The following ELAC2 variants were observed in gnomAD, a reference collection of about 807,000 sequenced individuals.
The protein encoded by ELAC2 is zinc phosphodiesterase ELAC protein 2.
ELAC2 carries 92 observed loss-of-function variants against 105.2 expected under a neutral mutation model. The observed-to-expected ratio is 0.87, with a 90% CI of 0.74 to 1.04. ELAC2 has a LOEUF of 1.04. ELAC2 is among the 50% of genes least tolerant of loss of function. The pLI is 0.00. For synonymous variants in ELAC2, 468 were observed against 409.1 expected (o/e 1.14, Z -1.74); for missense variants, 1,099 against 1,071.7 (o/e 1.03, Z -0.36).
At chr17:12,996,928 C>T (rs1048944729) in intron 16 of ELAC2, among the ~76,000 whole-genome samples, 7 of 144,244 alleles carry the variant, frequency 4.9e-5, no homozygotes, top group Non-Finnish European at 1.1e-4. Context: ...TAGACTTACA[C>T]AAAGGCTGGG....
At position 13,017,055 on chromosome 17, in the gene ELAC2, C is replaced by A; in HGVS notation, c.296+16G>T. ...CCGTAATCAACTCCCCCTCCGAAAGCAAGAGACTGACTCACTTGTGCTCCT... is the reference window on the plus strand; with the variant it reads ...CCGTAATCAACTCCCCCTCCGAAAGAAAGAGACTGACTCACTTGTGCTCCT... On this transcript the variant is annotated intron_variant, in intron 2 of 23. Coordinates refer to ENST00000338034, the MANE Select transcript of ELAC2 (RefSeq NM_018127.7). The A allele has an allele frequency of 1.2e-6, 2 of 1,614,084 alleles. No individual in the cohort carries two copies. The highest frequency in any genetic ancestry group is 1.7e-6 in the Non-Finnish European group (2 of 1,179,986).
Position 13,016,896 on chromosome 17 carries a change from T to C in ELAC2, c.333A>G (p.Thr111=), listed in dbSNP as rs373955712. The part of the protein sequence containing the change: ...KVARLDNIFL[T]RMHWSNVGGL... ...CCCCAACATTAGACCAGTGCATTCG[T>C]GTCAGGAATATGTTGTCCAGGCGAG... is the stretch of plus-strand genomic sequence containing the variant. Residue 111 remains threonine, a synonymous_variant, in exon 3 of 24, where the codon ACA becomes ACG. Transcript: ENST00000338034. 1.9e-5 allele frequency: 31 copies of C among 1,614,132 alleles called. No homozygotes were observed. The highest frequency in any genetic ancestry group is 2.6e-5 in the Non-Finnish European group (31 of 1,180,032).
chr17:12,996,096 AAC>A, intron 17 of ELAC2, 118 bp from the exon 18 acceptor site: 5 of 1,133,852 alleles, frequency 4.4e-6, no homozygotes, highest in Non-Finnish European at 6.4e-6. Flanking sequence ...ACCAGCCTCT[AAC>A]ACAGCCGCAG....
rs140408544 is a variant in ELAC2 at position 12,991,792 on chromosome 17, C to CTCT, written c.*1023_*1025dup. On this transcript the variant is annotated 3_prime_UTR_variant, in exon 24 of 24. Transcript: ENST00000338034. ...TTGCTTGTCTTTTGAGTTTTTAAAG[C>CTCT]TCTTCTTTTTACATTCTCCTGGGTA... The CTCT allele has an allele frequency of 2.3e-5, 5 of 215,942 alleles. No homozygotes were observed. The highest frequency in any genetic ancestry group is 3.7e-5 in the Non-Finnish European group (4 of 106,992). 13.4% of individuals were successfully genotyped at this position (215,942 alleles called of 1,614,324 possible). A position where few individuals can be genotyped will look rare whatever the true frequency, so the allele number is the denominator to read the frequency against.
At chr17:13,000,326 A>G (rs754016032) in intron 14 of ELAC2, 52 bp from the exon 15 acceptor site, 3 of 1,511,424 alleles carry the variant, frequency 2.0e-6, no homozygotes, top group Non-Finnish European at 1.8e-6. Flanking sequence ...ATATGGCCTC[A>G]GCAGACCCCA....
chr17:12,993,575 C>T (rs1392092134), intron 23 of ELAC2, 112 bp downstream of exon 23: 6 of 1,523,860 alleles, frequency 3.9e-6, no homozygotes, highest in Non-Finnish European at 5.4e-6. Context: ...TAACCTTTTC[C>T]CACGGTGGCC....
At chr17:12,994,187 C>A (rs1598194812) in intron 22 of ELAC2, among the ~76,000 whole-genome samples, 2 of 152,198 alleles carry the variant, frequency 1.3e-5, no homozygotes, top group East Asian at 3.9e-4. Flanking sequence ...ATAGTTTATT[C>A]AGCCGATTTC....
chr17:12,993,050 A>C lies in ELAC2; in HGVS notation c.2254-5T>G, dbSNP rs922658791. The C allele has an allele frequency of 6.9e-6, 11 of 1,601,816 alleles. No homozygotes were observed. The highest frequency in any genetic ancestry group is 9.3e-6 in the Non-Finnish European group (11 of 1,179,900). On this transcript the variant is annotated splice_region_variant and splice_polypyrimidine_tract_variant and intron_variant, in intron 23 of 23. Coordinates refer to ENST00000338034, the MANE Select transcript of ELAC2 (RefSeq NM_018127.7). The stretch of plus-strand genomic sequence containing the variant: ...TGGAAAGTCTCCAAAGCAGACCTAG[A>C]AGACACAATAGAAGACAAGGACATG...
At chr17:13,005,623 T>C in intron 10 of ELAC2, 130 bp downstream of exon 10, 2 of 905,318 alleles carry the variant, frequency 2.2e-6, no homozygotes, top group East Asian at 2.4e-5. Context: ...TTTTATCACT[T>C]AGCTGAGTGA....
At chr17:13,015,622 C>T in intron 4 of ELAC2, 146 bp downstream of exon 4, 2 of 711,354 alleles carry the variant, frequency 2.8e-6, no homozygotes, top group South Asian at 3.3e-5. Flanking sequence ...AATCAGAACT[C>T]AAGTCTTTTT....
rs2040829897 is a variant in ELAC2, at chr17:13,001,903, C to T, written c.1304+371G>A. 2.6e-5 allele frequency among the ~76,000 whole-genome samples: 4 copies of T among 152,334 alleles called. No homozygotes were observed. The South Asian group carries it at 8.3e-4, about 32-fold the overall frequency. On this transcript the variant is annotated intron_variant, in intron 14 of 23. Transcript: ENST00000338034. ...CACAAAATGTTATCAATCATTATCT[C>T]TGGGCAACAGGATTATGGGTGACTT...
chr17:13,012,735 GACTA>G (rs1304804410), intron 6 of ELAC2, among the ~76,000 whole-genome samples: 1 of 152,128 alleles, frequency 6.6e-6, no homozygotes, highest in Non-Finnish European at 1.5e-5. Flanking sequence ...TCAAGGACAA[GACTA>G]ACTCTTTTCC....
At chr17:13,009,869 AT>A (rs2041314963) in intron 8 of ELAC2, among the ~76,000 whole-genome samples, 1 of 151,872 alleles carries the variant, frequency 6.6e-6, no homozygotes, top group Non-Finnish European at 1.5e-5. Context: ...CGCACCTATA[AT>A]CCTAGCTACT....
At chr17:13,014,200 G>T (rs549615787) in intron 5 of ELAC2, among the ~76,000 whole-genome samples, 1 of 151,248 alleles carries the variant, frequency 6.6e-6, no homozygotes, top group Non-Finnish European at 1.5e-5. Context: ...GGCTGAGGTG[G>T]GAGAATGGCT....
Position 12,995,953 on chromosome 17 carries a change from C to T in ELAC2, c.1685G>A (p.Arg562Lys). ...HTGLPSILLQ[R>K]ERALASLGKP... The stretch of plus-strand genomic sequence containing the variant: ...TGCCACACTTACCAAGGCGCGTTCT[C>T]TCTGCAGCAAGATACTTGGCAAGCC... The change falls in exon 18 of 24, where the codon AGA becomes AAA. Residue 562 changes from arginine (R) to lysine (K), a missense_variant. Coordinates refer to ENST00000338034, the MANE Select transcript of ELAC2 (RefSeq NM_018127.7). 3 of 1,596,608 alleles carry T rather than the reference C, an allele frequency of 1.9e-6. No individual in the cohort carries two copies. The highest frequency in any genetic ancestry group is 2.6e-6 in the Non-Finnish European group (3 of 1,170,266).
At chr17:13,010,460 C>T (rs111772808) in intron 8 of ELAC2, among the ~76,000 whole-genome samples, 153 bp downstream of exon 8, 113 of 152,356 alleles carry the variant, frequency 7.4e-4, no homozygotes, top group African/African-American at 2.5e-3. Flanking sequence ...TGAGCCACTG[C>T]ACCCGGCCTT....
In ELAC2 at chr17:13,017,694, T is replaced by C. The variant is rs769612759; in HGVS notation, c.245+9A>G. ...GCCCAGCGGGACGGGGCGTGGCTCGTTGACTGACCGGTTGAACTCGGAGAA... is the reference window on the plus strand; with the variant it reads ...GCCCAGCGGGACGGGGCGTGGCTCGCTGACTGACCGGTTGAACTCGGAGAA... On this transcript the variant is annotated intron_variant, in intron 1 of 23. Transcript: ENST00000338034. The C allele has an allele frequency of 1.5e-5, 25 of 1,613,024 alleles. No homozygotes were observed. The highest frequency in any genetic ancestry group is 1.8e-5 in the Non-Finnish European group (21 of 1,179,776).
intron 8 of ELAC2, among the ~76,000 whole-genome samples, chr17:13,007,419 A>C (rs1399715746): frequency 6.6e-6 from 1 of 152,198 alleles, no homozygotes; most frequent in Non-Finnish European, 1.5e-5. Flanking sequence ...TTTCCATCTT[A>C]AAAAATATCA....
intron 15 of ELAC2, among the ~76,000 whole-genome samples, chr17:12,999,202 T>C (rs1356262452): frequency 2.0e-5 from 3 of 152,234 alleles, no homozygotes; most frequent in Admixed American, 2.0e-4. Context: ...TGTAATTCTT[T>C]TACATTTAAA....
Sources: gnomAD v4.1 joint callset for allele counts (sites outside exome capture counted in the v4.1 genomes callset) on GRCh38, gnomAD v4.1.1 for gene constraint, MANE v1.5 for transcripts, NCBI Gene and HGNC (gene_info 2026-07-23, HGNC 2026-07-21) for gene names.